ZFPM2: variants seen among roughly 807,000 people sequenced by gnomAD.
The protein encoded by ZFPM2 is zinc finger protein, FOG family member 2.
Under a neutral mutation model 98.6 loss-of-function variants are expected in ZFPM2, and 20 were observed. The observed-to-expected ratio is 0.20, with a 90% CI of 0.14 to 0.29. The LOEUF (loss-of-function observed/expected upper bound fraction) is 0.29, where lower values mean the gene tolerates loss of function less well. ZFPM2 is among the 10% of genes least tolerant of loss of function. ZFPM2 has a pLI of 1.00. For synonymous variants in ZFPM2, 518 were observed against 502.7 expected (o/e 1.03, Z -0.41); for missense variants, 1,310 against 1,388.6 (o/e 0.94, Z 0.90).
At chr8:105,676,887 T>C (rs1586191437) in intron 5 of ZFPM2, among the ~76,000 whole-genome samples, 1 of 152,098 alleles carries the variant, frequency 6.6e-6, no homozygotes, top group South Asian at 2.1e-4. Context: ...CTAAAATGCA[T>C]AAAATGTTTT....
intron 3 of ZFPM2, among the ~76,000 whole-genome samples, chr8:105,517,742 C>CACA (rs1586430844): frequency 6.7e-6 from 1 of 150,106 alleles, no homozygotes; most frequent in Non-Finnish European, 1.5e-5. Context: ...CACACACACA[C>CACA]CCCTAGTTGG....
intron 5 of ZFPM2, among the ~76,000 whole-genome samples, chr8:105,736,346 A>G (rs1214594968): frequency 6.6e-6 from 1 of 152,036 alleles, no homozygotes; most frequent in Non-Finnish European, 1.5e-5. Flanking sequence ...TATTCATCTT[A>G]GTATAAATGG....
intron 4 of ZFPM2, among the ~76,000 whole-genome samples, chr8:105,604,652 T>C (rs1299817655): frequency 1.3e-5 from 2 of 152,084 alleles, no homozygotes; most frequent in Non-Finnish European, 2.9e-5. Flanking sequence ...CCTCTGCTTT[T>C]GCTGTGCCCT....
rs540641660 is a variant in ZFPM2, at chr8:105,539,443, G to A, written c.302-21920G>A. Among the ~76,000 whole-genome samples, 175 of 152,194 alleles carry A rather than the reference G, an allele frequency of 1.1e-3. 2 individuals are homozygous for A. The highest frequency in any genetic ancestry group is 1.7e-3 in the Non-Finnish European group (116 of 67,980). The stretch of plus-strand genomic sequence containing the variant: ...ACATCATAGGGGTGTCTTTCTGAAC[G>A]TTTTCTACTACAGGCATTTTAATAC... On this transcript the variant is annotated intron_variant, in intron 3 of 7. Coordinates refer to ENST00000407775, the MANE Select transcript of ZFPM2 (RefSeq NM_012082.4).
intron 3 of ZFPM2, among the ~76,000 whole-genome samples, chr8:105,510,320 A>T (rs1222594542): frequency 1.3e-5 from 2 of 152,130 alleles, no homozygotes; most frequent in Non-Finnish European, 2.9e-5. Context: ...AAGCAAGAAC[A>T]ACTTTATTTC....
chr8:105,640,126 A>C (rs1816923072), intron 5 of ZFPM2, among the ~76,000 whole-genome samples: 2 of 152,084 alleles, frequency 1.3e-5, no homozygotes, highest in Middle Eastern at 3.4e-3. Flanking sequence ...CAGATGAATA[A>C]ATTTAGGTTT....
At chr8:105,515,840 C>G (rs1235355135) in intron 3 of ZFPM2, among the ~76,000 whole-genome samples, 1 of 151,118 alleles carries the variant, frequency 6.6e-6, no homozygotes, top group African/African-American at 2.4e-5. Context: ...AACATTAACT[C>G]TGATTGCTCT....
intron 5 of ZFPM2, among the ~76,000 whole-genome samples, chr8:105,771,002 T>C (rs1299607286): frequency 6.6e-6 from 1 of 152,182 alleles, no homozygotes; most frequent in African/African-American, 2.4e-5. Flanking sequence ...AGGATGCAGA[T>C]GCTCAGGTGT....
chr8:105,449,290 A>T (rs1289139156), intron 3 of ZFPM2, among the ~76,000 whole-genome samples: 1 of 152,194 alleles, frequency 6.6e-6, no homozygotes, highest in South Asian at 2.1e-4. Flanking sequence ...CTACTTAAAT[A>T]TGCAAATAAG....
chr8:105,616,153 A>G (rs913844698), intron 4 of ZFPM2, among the ~76,000 whole-genome samples: 5 of 152,082 alleles, frequency 3.3e-5, no homozygotes, highest in Non-Finnish European at 5.9e-5. Flanking sequence ...AAACTCAATG[A>G]CCAAAGCCTT....
At chr8:105,616,771 AC>A (rs1426639777) in intron 4 of ZFPM2, 1 of 271,274 alleles carries the variant, frequency 3.7e-6, no homozygotes, top group Non-Finnish European at 7.3e-6. Flanking sequence ...TAATCCCAGC[AC>A]TTTGGGAGGC....
chr8:105,521,139 AC>A (rs1814047707), intron 3 of ZFPM2, among the ~76,000 whole-genome samples: 2 of 150,664 alleles, frequency 1.3e-5, no homozygotes, highest in Admixed American at 1.3e-4. Flanking sequence ...ATATACACAC[AC>A]ACACACACAC....
chr8:105,733,686 G>A (rs928156044), intron 5 of ZFPM2, among the ~76,000 whole-genome samples: 1 of 151,780 alleles, frequency 6.6e-6, no homozygotes, highest in Non-Finnish European at 1.5e-5. Context: ...TTTTTAAAGT[G>A]CTAAGAGTTA....
rs575716820 is a variant in ZFPM2 at position 105,588,116 on chromosome 8, A to T, written c.420+26635A>T. On this transcript the variant is annotated intron_variant, in intron 4 of 7. Transcript: ENST00000407775. ...ATTTGGTGACAATGGATGCATTTAT[A>T]ATAAAATATTGTTTGAATTTGAAAA... Among the ~76,000 whole-genome samples, 7 of 152,294 alleles carry T rather than the reference A, an allele frequency of 4.6e-5. No homozygotes were observed. In the South Asian group the frequency reaches 1.5e-3, roughly 32 times the overall value.
chr8:105,357,053 A>G (rs1323021916), intron 1 of ZFPM2, among the ~76,000 whole-genome samples: 1 of 151,878 alleles, frequency 6.6e-6, no homozygotes, highest in African/African-American at 2.4e-5. Context: ...TTTGCAAACT[A>G]TTTCTCCTAC....
At chr8:105,649,871 G>T (rs1319953363) in intron 5 of ZFPM2, among the ~76,000 whole-genome samples, 1 of 152,120 alleles carries the variant, frequency 6.6e-6, no homozygotes, top group African/African-American at 2.4e-5. Flanking sequence ...GCCAGCCTTT[G>T]GTATCAGGAT....
chr8:105,646,590 G>T (rs62528598), intron 5 of ZFPM2, among the ~76,000 whole-genome samples: 70,845 of 151,916 alleles, frequency 0.47, 16,723 homozygotes, highest in African/African-American at 0.53. Flanking sequence ...GAAAGGCAGC[G>T]TGAGTAGGCA....
intron 3 of ZFPM2, among the ~76,000 whole-genome samples, chr8:105,554,474 T>G (rs556384358): frequency 6.6e-6 from 1 of 152,286 alleles, no homozygotes; most frequent in African/African-American, 2.4e-5. Context: ...TCAGCATGAC[T>G]TCGGGGCTGT....
intron 1 of ZFPM2, among the ~76,000 whole-genome samples, chr8:105,365,750 G>T (rs149701207): frequency 6.6e-6 from 1 of 152,080 alleles, no homozygotes; most frequent in Non-Finnish European, 1.5e-5. Flanking sequence ...ACAGACTGAC[G>T]TGCTCAGCCA....
Sources: allele counts gnomAD v4.1 joint callset (sites outside exome capture counted in the v4.1 genomes callset), GRCh38; gene constraint gnomAD v4.1.1; transcripts MANE v1.5; gene names NCBI Gene and HGNC (gene_info 2026-07-23, HGNC 2026-07-21).